GRM1: variants seen among roughly 807,000 people sequenced by gnomAD.
GRM1 encodes the protein metabotropic glutamate receptor 1.
GRM1 carries 33 observed loss-of-function variants against 90.9 expected under a neutral mutation model. The ratio of observed to expected loss-of-function variants is 0.36; its 90% CI spans 0.28 to 0.49. The LOEUF is 0.49. Among genes scored for constraint, GRM1 ranks in the 20% least tolerant of loss-of-function variants. The probability of loss-of-function intolerance (pLI) is 0.99; values close to 1 mark genes in which losing one functional copy is unlikely to be tolerated. For synonymous variants in GRM1, 700 were observed against 613.2 expected (o/e 1.14, Z -2.09); for missense variants, 1,190 against 1,534.3 (o/e 0.78, Z 3.75).
chr6:146,057,358 A>G (rs1406647927), intron 1 of GRM1, among the ~76,000 whole-genome samples: 2 of 152,142 alleles, frequency 1.3e-5, no homozygotes, highest in African/African-American at 4.8e-5. Flanking sequence ...AGTGTAGCGG[A>G]ATAACCTAGG....
intron 2 of GRM1, among the ~76,000 whole-genome samples, chr6:146,242,384 G>T (rs1780897282): frequency 6.6e-6 from 1 of 152,106 alleles, no homozygotes; most frequent in Non-Finnish European, 1.5e-5. Flanking sequence ...TAGGATTGAT[G>T]AAGGAGGACC....
intron 2 of GRM1, among the ~76,000 whole-genome samples, chr6:146,174,066 A>G (rs1054796494): frequency 1.3e-5 from 2 of 152,048 alleles, no homozygotes; most frequent in Non-Finnish European, 2.9e-5. Context: ...TCTTATCTCT[A>G]AGAGATAAAT....
chr6:146,249,325 T>C (rs1170601789), intron 2 of GRM1, among the ~76,000 whole-genome samples: 1 of 151,926 alleles, frequency 6.6e-6, no homozygotes, highest in Admixed American at 6.6e-5. Flanking sequence ...AGTCTAGAGG[T>C]CTAGGAGGGA....
intron 1 of GRM1, among the ~76,000 whole-genome samples, chr6:146,079,846 C>T (rs903704867): frequency 6.6e-6 from 1 of 152,172 alleles, no homozygotes; most frequent in Non-Finnish European, 1.5e-5. Context: ...TTTCATTGCC[C>T]GTGCAGGCAA....
chr6:146,252,204 T>C (rs1781312445), intron 2 of GRM1, among the ~76,000 whole-genome samples: 1 of 152,150 alleles, frequency 6.6e-6, no homozygotes, highest in African/African-American at 2.4e-5. Context: ...CAGCAAAATA[T>C]TTGTTGACTA....
At chr6:146,070,403 G>C (rs1171026922) in intron 1 of GRM1, among the ~76,000 whole-genome samples, 3 of 151,984 alleles carry the variant, frequency 2.0e-5, no homozygotes, top group Non-Finnish European at 4.4e-5. Context: ...TTTATGAAGG[G>C]GAAAAATGAG....
In GRM1 at chr6:146,434,993, C is replaced by T; in HGVS notation, c.*197C>T. ...GAAGGACACCAAGCAAAAAATGTTC[C>T]AGGCCAGGATTCGGATTCTTGAATT... On this transcript the variant is annotated 3_prime_UTR_variant, in exon 8 of 8. Transcript: ENST00000282753. 1 of 505,192 alleles carries T rather than the reference C, an allele frequency of 2.0e-6. No individual in the cohort carries two copies. The highest frequency in any genetic ancestry group is 2.0e-5 in the South Asian group (1 of 49,858). The allele number at this position is 505,192 out of a possible 1,614,324, so 31.3% of individuals were successfully genotyped here. A position where few individuals can be genotyped will look rare whatever the true frequency, so the allele number is the denominator to read the frequency against.
chr6:146,172,506 G>C (rs2128894960), intron 2 of GRM1, among the ~76,000 whole-genome samples: 1 of 152,310 alleles, frequency 6.6e-6, no homozygotes, highest in South Asian at 2.1e-4. Flanking sequence ...TGAGCAGAAG[G>C]TCAAAGAGAG....
chr6:146,209,554 C>G (rs989489468), intron 2 of GRM1, among the ~76,000 whole-genome samples: 1 of 151,274 alleles, frequency 6.6e-6, no homozygotes, highest in Non-Finnish European at 1.5e-5. Context: ...TATAGGGTTT[C>G]AGAAAAAAAA....
intron 5 of GRM1, among the ~76,000 whole-genome samples, chr6:146,380,416 G>T (rs1776278195): frequency 1.3e-5 from 2 of 151,262 alleles, no homozygotes; most frequent in South Asian, 4.2e-4. Context: ...TCACCCCATA[G>T]TCACTGCCAC....
Position 146,433,932 on chromosome 6 carries a change from G to T in GRM1, c.2721G>T (p.Gln907His). The change falls in exon 8 of 8, where the codon CAG becomes CAT. Residue 907 changes from glutamine to histidine, a missense_variant. Coordinates refer to ENST00000282753, the MANE Select transcript of GRM1 (RefSeq NM_001278064.2). Reference protein sequence around the residue: ...EPGGGQVPKGQHMWHRLSVHV... With the variant: ...EPGGGQVPKGHHMWHRLSVHV... ...GTGGAGGACAGGTGCCCAAGGGACA[G>T]CATATGTGGCACCGCCTCTCTGTGC... 6.2e-7 allele frequency: 1 copy of T among 1,613,930 alleles called. No individual in the cohort carries two copies. Among genetic ancestry groups the T allele is most frequent in the South Asian group, 1.1e-5 (1 of 91,074 alleles).
chr6:146,423,761 C>A (rs1778094545), intron 7 of GRM1, among the ~76,000 whole-genome samples: 1 of 152,106 alleles, frequency 6.6e-6, no homozygotes, highest in Non-Finnish European at 1.5e-5. Context: ...ATCCCCCCGC[C>A]CCTTGTTTTT....
intron 3 of GRM1, among the ~76,000 whole-genome samples, chr6:146,332,863 A>G (rs941440881): frequency 1.3e-5 from 2 of 152,134 alleles, no homozygotes; most frequent in African/African-American, 2.4e-5. Flanking sequence ...TACCCAAAAT[A>G]TAACTCTCAG....
At chr6:146,281,978 G>C (rs905581582) in intron 2 of GRM1, among the ~76,000 whole-genome samples, 4 of 152,172 alleles carry the variant, frequency 2.6e-5, no homozygotes, top group Non-Finnish European at 5.9e-5. Flanking sequence ...CAGTGGAGGA[G>C]GTTGACAGGG....
At chr6:146,187,819 G>T (rs1778791193) in intron 2 of GRM1, among the ~76,000 whole-genome samples, 1 of 151,580 alleles carries the variant, frequency 6.6e-6, no homozygotes, top group Admixed American at 6.6e-5. Flanking sequence ...CGATACAAAA[G>T]ATGCCAAATG....
chr6:146,348,344 T>A (rs1475856246), intron 3 of GRM1, among the ~76,000 whole-genome samples: 1 of 152,234 alleles, frequency 6.6e-6, no homozygotes, highest in East Asian at 1.9e-4. Context: ...ATCTAGACAG[T>A]TGCTGTAGTA....
At chr6:146,320,902 A>G (rs1047374106) in intron 3 of GRM1, among the ~76,000 whole-genome samples, 2 of 151,356 alleles carry the variant, frequency 1.3e-5, no homozygotes, top group African/African-American at 4.9e-5. Flanking sequence ...TATTTGGTTA[A>G]TCTTTTCAAA....
In GRM1 at chr6:146,399,670, A is replaced by G; in HGVS notation, c.2631A>G (p.Arg877=). ...CRSNTFLNIF[R]RKKAGAGNAN... ...CCAACACTTTCCTCAACATCTTCCG[A>G]AGAAAGAAGGCAGGGGCAGGGAATG... The change falls in exon 7 of 8, where the codon CGA becomes CGG. Residue 877 remains arginine, a synonymous_variant. Coordinates refer to ENST00000282753, the MANE Select transcript of GRM1 (RefSeq NM_001278064.2). This position sits in a 1 kb window ranked among gnomAD's most constrained non-coding sequence, Gnocchi z 5.4. 6.2e-7 allele frequency: 1 copy of G among 1,613,292 alleles called. No homozygotes were observed. The highest frequency in any genetic ancestry group is 8.5e-7 in the Non-Finnish European group (1 of 1,179,862).
At chr6:146,338,289 G>A (rs1484936313) in intron 3 of GRM1, among the ~76,000 whole-genome samples, 1 of 152,168 alleles carries the variant, frequency 6.6e-6, no homozygotes, top group Non-Finnish European at 1.5e-5. Flanking sequence ...CAGGCTCAAA[G>A]GTTCCTAAGA....
Sources: gnomAD v4.1 joint callset for allele counts (sites outside exome capture counted in the v4.1 genomes callset) on GRCh38, gnomAD v4.1.1 for gene constraint, Gnocchi (gnomAD v3.1) non-coding constraint, MANE v1.5 for transcripts, NCBI Gene and HGNC (gene_info 2026-07-23, HGNC 2026-07-21) for gene names.